Variants in MAML3 observed in about 807,000 individuals in gnomAD.
MAML3 encodes mastermind-like protein 3.
Under a neutral mutation model 101.9 loss-of-function variants are expected in MAML3, and 27 were observed. That is an observed-to-expected ratio of 0.27 (90% CI 0.20 to 0.37). The LOEUF (loss-of-function observed/expected upper bound fraction) is 0.37. MAML3 is among the 10% of genes least tolerant of loss of function. The pLI, the probability that MAML3 is intolerant of heterozygous loss-of-function variation, is 1.00. For missense variants in MAML3, 1,316 were observed against 1,444.9 expected, an observed-to-expected ratio of 0.91 and a Z score of 1.45; for synonymous variants, 501 against 555.9, an observed-to-expected ratio of 0.90 and a Z score of 1.39.
intron 1 of MAML3, among the ~76,000 whole-genome samples, chr4:140,067,201 GT>G (rs1348452307): frequency 1.1e-4 from 3 of 26,526 alleles, no homozygotes; most frequent in Non-Finnish European, 3.0e-4. Context: ...AATTTTAGGG[GT>G]GTGTGTGTGT....
chr4:139,923,976 G>C (rs1733176099), intron 1 of MAML3, among the ~76,000 whole-genome samples: 1 of 152,158 alleles, frequency 6.6e-6, no homozygotes, highest in Non-Finnish European at 1.5e-5. Flanking sequence ...AAGTCTGTAG[G>C]AATGTTAGAT....
chr4:139,854,343 T>C (rs1205535636), intron 2 of MAML3, among the ~76,000 whole-genome samples: 1 of 151,530 alleles, frequency 6.6e-6, no homozygotes, highest in African/African-American at 2.4e-5. Context: ...AGTGACTTGC[T>C]TAAATCCACA....
intron 2 of MAML3, among the ~76,000 whole-genome samples, chr4:139,850,775 C>T (rs1731533846): frequency 6.6e-6 from 1 of 151,968 alleles, no homozygotes; most frequent in South Asian, 2.1e-4. Context: ...AACTCCTGAG[C>T]TCAAGTGATT....
At chr4:139,906,958 G>A (rs13102187) in intron 1 of MAML3, among the ~76,000 whole-genome samples, 51,026 of 151,850 alleles carry the variant, frequency 0.34, 11,125 homozygotes, top group Non-Finnish European at 0.49. Flanking sequence ...GATTTTTACT[G>A]CATTGAATAT....
chr4:139,725,678 T>TG (rs1388083661), intron 4 of MAML3, 73 bp downstream of exon 4: 36 of 1,411,790 alleles, frequency 2.5e-5, no homozygotes, highest in Non-Finnish European at 3.2e-5. Flanking sequence ...AGTAAGGCAA[T>TG]GCCTCTGGCT....
At chr4:140,152,108 C>G (rs1476388754) in intron 1 of MAML3, among the ~76,000 whole-genome samples, 1 of 151,960 alleles carries the variant, frequency 6.6e-6, no homozygotes, top group African/African-American at 2.4e-5. Flanking sequence ...GGCCGCTCCC[C>G]TCTTAACCCT....
At chr4:140,019,253 A>G (rs1296197390) in intron 1 of MAML3, among the ~76,000 whole-genome samples, 1 of 152,204 alleles carries the variant, frequency 6.6e-6, no homozygotes, top group African/African-American at 2.4e-5. Context: ...CTTCAAAGAC[A>G]CTTTTTATGT....
At chr4:139,917,108 C>A (rs1026530898) in intron 1 of MAML3, among the ~76,000 whole-genome samples, 12 of 152,132 alleles carry the variant, frequency 7.9e-5, no homozygotes, top group African/African-American at 2.9e-4. Context: ...AGGTCCAAAG[C>A]TTTTCTCAGA....
intron 1 of MAML3, among the ~76,000 whole-genome samples, chr4:139,928,684 G>A (rs1020293523): frequency 1.7e-4 from 26 of 152,168 alleles, no homozygotes; most frequent in African/African-American, 6.3e-4. Context: ...GTCTGGGTGG[G>A]AAATGGGTCC....
chr4:139,909,732 G>T (rs1453043488), intron 1 of MAML3, among the ~76,000 whole-genome samples: 1 of 150,688 alleles, frequency 6.6e-6, no homozygotes, highest in Non-Finnish European at 1.5e-5. Context: ...AGCTACTCAG[G>T]AGGCTGAGGC....
At chr4:139,844,452 T>C (rs966190129) in intron 2 of MAML3, among the ~76,000 whole-genome samples, 1 of 152,142 alleles carries the variant, frequency 6.6e-6, no homozygotes, top group African/African-American at 2.4e-5. Flanking sequence ...AGAGATGATG[T>C]GGGAGTTAAC....
At chr4:139,947,773 T>C (rs996085074) in intron 1 of MAML3, among the ~76,000 whole-genome samples, 3 of 152,030 alleles carry the variant, frequency 2.0e-5, no homozygotes, top group Non-Finnish European at 2.9e-5. Flanking sequence ...AAACAATAAC[T>C]AGTATTATTC....
At chr4:139,882,289 ATATCCAAGATC>A (rs1340537909) in intron 2 of MAML3, among the ~76,000 whole-genome samples, 1 of 152,162 alleles carries the variant, frequency 6.6e-6, no homozygotes, top group Non-Finnish European at 1.5e-5. Flanking sequence ...ATCTAAGAAC[ATATCCAAGATC>A]TTAAGGACAC....
intron 1 of MAML3, among the ~76,000 whole-genome samples, chr4:140,044,055 A>C (rs1365627931): frequency 1.3e-5 from 2 of 152,264 alleles, no homozygotes; most frequent in East Asian, 1.9e-4. Context: ...AACAAGACAA[A>C]TGGGTAAAAA....
chr4:139,901,382 T>G (rs1732714996), intron 1 of MAML3, among the ~76,000 whole-genome samples: 1 of 152,258 alleles, frequency 6.6e-6, no homozygotes, highest in South Asian at 2.1e-4. Context: ...TACTGCTCTG[T>G]TGTTTCATAT....
At chr4:139,841,792 C>A (rs1186661185) in intron 2 of MAML3, among the ~76,000 whole-genome samples, 1 of 152,220 alleles carries the variant, frequency 6.6e-6, no homozygotes, top group Non-Finnish European at 1.5e-5. Context: ...ACATTTCTTA[C>A]AGGCTGCCCA....
intron 4 of MAML3, among the ~76,000 whole-genome samples, chr4:139,722,433 C>T (rs1023328558): frequency 6.6e-6 from 1 of 152,146 alleles, no homozygotes; most frequent in Non-Finnish European, 1.5e-5. Flanking sequence ...TACATGATTA[C>T]TACATGTGTT....
intron 1 of MAML3, among the ~76,000 whole-genome samples, chr4:140,031,082 C>T (rs1726900265): frequency 6.6e-6 from 1 of 152,152 alleles, no homozygotes; most frequent in Admixed American, 6.5e-5. Context: ...AGTCACACCC[C>T]TGTCCTCCGA....
At chr4:139,925,349 C>A (rs1427186140) in intron 1 of MAML3, among the ~76,000 whole-genome samples, 1 of 152,170 alleles carries the variant, frequency 6.6e-6, no homozygotes, top group Non-Finnish European at 1.5e-5. Context: ...CCTGCCTCAG[C>A]CTCCTGAGTA....
Sources: allele counts gnomAD v4.1 joint callset (sites outside exome capture counted in the v4.1 genomes callset), GRCh38; gene constraint gnomAD v4.1.1; transcripts MANE v1.5; gene names NCBI Gene and HGNC (gene_info 2026-07-23, HGNC 2026-07-21).